Variants in KLHL38 observed in about 807,000 individuals in gnomAD.
KLHL38 encodes kelch-like protein 38.
KLHL38 carries 38 observed loss-of-function variants against 39.6 expected under a neutral mutation model. The observed-to-expected ratio is 0.96, with a 90% CI of 0.74 to 1.26. The LOEUF is 1.26. KLHL38 is among the 50% of genes most tolerant of loss of function. The probability of loss-of-function intolerance (pLI) is 0.00; values close to 1 mark genes in which losing one functional copy is unlikely to be tolerated. For synonymous variants in KLHL38, 322 were observed against 302.2 expected (o/e 1.07, Z -0.68); for missense variants, 803 against 748.1 (o/e 1.07, Z -0.86).
Position 123,652,641 on chromosome 8 carries a change from C to T in KLHL38, c.286G>A (p.Glu96Lys). ...DQIVSYVYTG[E>K]AHIATDNVLP... ...ACATTGTCAGTGGCAATATGTGCCT[C>T]CCCCGTATACACGTAGGAGACGATC... Residue 96 changes from glutamate to lysine, a missense_variant, in exon 2 of 4, where the codon GAG becomes AAG. Transcript: ENST00000684634. 2 of 1,614,032 alleles carry T rather than the reference C, an allele frequency of 1.2e-6. No homozygotes were observed. Among genetic ancestry groups the T allele is most frequent in the Non-Finnish European group, 1.7e-6 (2 of 1,179,914 alleles).
In KLHL38 at chr8:123,645,055, A is replaced by AGAGAGG. The variant is rs112968111; in HGVS notation, c.*683_*684insCCTCTC. 0.02 allele frequency among the ~76,000 whole-genome samples: 3,043 copies of AGAGAGG among 149,534 alleles called. 51 individuals are homozygous for AGAGAGG. The highest frequency in any genetic ancestry group is 0.03 in the Admixed American group (455 of 14,970). ...GAGACTGAGAGAGAGAGAGAGAGAG[A>AGAGAGG]GGGGCAGAGAGAGGCAGAGAGACAG... On this transcript the variant is annotated 3_prime_UTR_variant, in exon 4 of 4. Transcript: ENST00000684634.
chr8:123,647,296 G>T (rs1282912427), intron 2 of KLHL38, among the ~76,000 whole-genome samples: 2 of 152,126 alleles, frequency 1.3e-5, no homozygotes, highest in Admixed American at 6.5e-5. Context: ...TACTTACCTT[G>T]CTTGGAACAT....
chr8:123,652,036 C>T lies in KLHL38; in HGVS notation c.891G>A (p.Gln297=), dbSNP rs879728921. The change falls in exon 2 of 4, where the codon CAG becomes CAA. Residue 297 remains glutamine, a synonymous_variant. Coordinates refer to ENST00000684634, the MANE Select transcript of KLHL38 (RefSeq NM_001081675.3). ...ILLGGRKDSQ[Q]TTRDVLLYSK... is the part of the protein sequence containing the mutation. ...TGTACAGTAGGACGTCCCTGGTGGT[C>T]TGCTGGCTGTCCTTCCTTCCGCCCA... is the stretch of plus-strand genomic sequence containing the variant. 4 of 1,614,118 alleles carry T rather than the reference C, an allele frequency of 2.5e-6. No individual in the cohort carries two copies. Among genetic ancestry groups the T allele is most frequent in the Non-Finnish European group, 3.4e-6 (4 of 1,180,048 alleles).
intron 2 of KLHL38, among the ~76,000 whole-genome samples, chr8:123,650,282 A>T (rs1444006841): frequency 6.6e-6 from 1 of 152,130 alleles, no homozygotes; most frequent in Admixed American, 6.5e-5. Context: ...CATAAAGCAC[A>T]CTAACACAAA....
Position 123,651,730 on chromosome 8 carries a change from GC to G in KLHL38, c.1196del (p.Gly399AlafsTer30). Reference sequence around the variant, plus strand: ...AGATGCTGTCATACCTTTCCATGGAGCCCATGAGCTCCTGCCCTTCTCCAAT... The same window carrying G: ...AGATGCTGTCATACCTTTCCATGGAGCCATGAGCTCCTGCCCTTCTCCAAT... ...GGIGEGQELMGSMERYDSICN... is the reference protein window; with the variant it reads ...GGIGEGQELMXSMERYDSICN... On this transcript the variant is annotated frameshift_variant, in exon 2 of 4. Coordinates refer to ENST00000684634, the MANE Select transcript of KLHL38 (RefSeq NM_001081675.3). LOFTEE classifies it high-confidence loss of function. 3 of 1,614,188 alleles carry G rather than the reference GC, an allele frequency of 1.9e-6. No individual in the cohort carries two copies. The highest frequency in any genetic ancestry group is 2.5e-6 in the Non-Finnish European group (3 of 1,180,042).
rs374414250 is a variant in KLHL38, at chr8:123,645,449, A to AAGAGAGAGAGAG, written c.*278_*289dup. On this transcript the variant is annotated 3_prime_UTR_variant, in exon 4 of 4. Coordinates refer to ENST00000684634, the MANE Select transcript of KLHL38 (RefSeq NM_001081675.3). Reference sequence around the variant, plus strand: ...GAAACTCCATCTCAAAAAAAAGAAAAAGAGAGAGAGAGAGAGAGAGAGAGA... The same window carrying AAGAGAGAGAGAG: ...GAAACTCCATCTCAAAAAAAAGAAAAAGAGAGAGAGAGAGAGAGAGAGAGAGAGAGAGAGAGA... 4.4e-3 allele frequency: 1,438 copies of AAGAGAGAGAGAG among 325,122 alleles called. 6 individuals are homozygous for AAGAGAGAGAGAG. The highest frequency in any genetic ancestry group is 0.011 in the South Asian group (168 of 15,152). The allele number at this position is 325,122 out of a possible 1,614,324, so 20.1% of individuals were successfully genotyped here.
intron 2 of KLHL38, among the ~76,000 whole-genome samples, chr8:123,650,633 G>C (rs1812627232): frequency 6.6e-6 from 1 of 152,098 alleles, no homozygotes; most frequent in Non-Finnish European, 1.5e-5. Flanking sequence ...GAGATTACCA[G>C]GAACTTGCAT....
chr8:123,646,847 C>A (rs1388083227), intron 3 of KLHL38, 62 bp downstream of exon 3: 11 of 1,110,192 alleles, frequency 9.9e-6, no homozygotes, highest in Non-Finnish European at 1.5e-5. Context: ...CTATGAGTGA[C>A]CTTTTTTCCA....
At position 123,652,721 on chromosome 8, in the gene KLHL38, T is replaced by C; in HGVS notation, c.206A>G (p.Glu69Gly). ...FRAMFCSSFR[E>G]KSEAKVQLKG... is the part of the protein sequence containing the mutation. ...CAGCTGCACTTTGGCTTCACTCTTC[T>C]CCCGGAAGCTGCTGCAGAACATAGC... The change falls in exon 2 of 4, where the codon GAG (glutamate) becomes GGG (glycine). Residue 69 changes from glutamate to glycine, a missense_variant. By Grantham distance (98) the Glu-to-Gly change is moderately conservative. Transcript: ENST00000684634. 1 of 1,614,140 alleles carries C rather than the reference T, an allele frequency of 6.2e-7. No homozygotes were observed. Among genetic ancestry groups the C allele is most frequent in the Non-Finnish European group, 8.5e-7 (1 of 1,180,008 alleles).
rs184132240 is a variant in KLHL38 at position 123,651,551 on chromosome 8, C to T, written c.1350+26G>A. On this transcript the variant is annotated intron_variant, in intron 2 of 3. Coordinates refer to ENST00000684634, the MANE Select transcript of KLHL38 (RefSeq NM_001081675.3). ...CCAAGCACACATACTCATGCAGTTA[C>T]GTGATGGGAAGAACCGGCCATTTAC... 3.9e-4 allele frequency: 598 copies of T among 1,539,828 alleles called. 1 individual carries two copies. The African/African-American group carries it at 5.5e-3, about 14-fold the overall frequency.
chr8:123,653,256 C>T (rs1812691747), intron 1 of KLHL38, among the ~76,000 whole-genome samples: 1 of 152,146 alleles, frequency 6.6e-6, no homozygotes, highest in African/African-American at 2.4e-5. Flanking sequence ...TAGTCTGAAG[C>T]AAGATAACAG....
Position 123,645,591 on chromosome 8 carries a change from G to T in KLHL38, c.*148C>A. 2.8e-6 allele frequency: 2 copies of T among 721,814 alleles called. No individual in the cohort carries two copies. Among genetic ancestry groups the T allele is most frequent in the South Asian group, 3.7e-5 (2 of 54,496 alleles). 44.7% of individuals were successfully genotyped at this position (721,814 alleles called of 1,614,324 possible). A position where few individuals can be genotyped will look rare whatever the true frequency, so the allele number is the denominator to read the frequency against. On this transcript the variant is annotated 3_prime_UTR_variant, in exon 4 of 4. Transcript: ENST00000684634. ...GAAGGAGAGAGAGAGTTCTGGCAAT[G>T]CAATGCCTAGTTCCAGGCCTCCCGA...
intron 2 of KLHL38, among the ~76,000 whole-genome samples, chr8:123,648,175 GTAT>G (rs773515108): frequency 6.6e-5 from 10 of 152,202 alleles, no homozygotes; most frequent in Admixed American, 5.9e-4. Context: ...TATGAGGTAG[GTAT>G]TATTATTTCT....
In KLHL38 at chr8:123,648,539, A is replaced by G. The variant is rs1818698967; in HGVS notation, c.1351-1525T>C. Among the ~76,000 whole-genome samples the G allele has an allele frequency of 2.6e-5, 4 of 152,306 alleles. No individual in the cohort carries two copies. The South Asian group carries it at 8.3e-4, about 32-fold the overall frequency. ...TGGAAGAAAAGCAAACACTGGTTGC[A>G]TTTTACTTGAATGAATAATTGCCTC... On this transcript the variant is annotated intron_variant, in intron 2 of 3. Coordinates refer to ENST00000684634, the MANE Select transcript of KLHL38 (RefSeq NM_001081675.3).
In KLHL38 at chr8:123,651,991, C is replaced by A. The variant is rs768165532; in HGVS notation, c.936G>T (p.Trp312Cys). 5.0e-6 allele frequency: 8 copies of A among 1,614,230 alleles called. No individual in the cohort carries two copies. In the South Asian group the frequency reaches 7.7e-5, roughly 16 times the overall value. The change falls in exon 2 of 4, where the codon TGG (tryptophan) becomes TGT (cysteine). Residue 312 changes from tryptophan to cysteine, a missense_variant. Physicochemically the swap from Trp to Cys is radical, Grantham distance 215. Coordinates refer to ENST00000684634, the MANE Select transcript of KLHL38 (RefSeq NM_001081675.3). The stretch of plus-strand genomic sequence containing the variant: ...GTGTCGGGAGTTTGGCAAGGCTCTG[C>A]CATTGGCCGGTCTGTTTGCTGTACA... ...VLLYSKQTGQ[W>C]QSLAKLPTRL...
rs1295595303 is a variant in KLHL38 at position 123,652,019 on chromosome 8, A to G, written c.908T>C (p.Leu303Pro). ...TTGGCCGGTCTGTTTGCTGTACAGTAGGACGTCCCTGGTGGTCTGCTGGCT... is the reference window on the plus strand; with the variant it reads ...TTGGCCGGTCTGTTTGCTGTACAGTGGGACGTCCCTGGTGGTCTGCTGGCT... The part of the protein sequence containing the change: ...KDSQQTTRDV[L>P]LYSKQTGQWQ... Residue 303 changes from leucine (L) to proline (P), a missense_variant, in exon 2 of 4, where the codon CTA becomes CCA. By Grantham distance (98) the Leu-to-Pro change is moderately conservative. Coordinates refer to ENST00000684634, the MANE Select transcript of KLHL38 (RefSeq NM_001081675.3). The G allele has an allele frequency of 6.2e-7, 1 of 1,614,246 alleles. No homozygotes were observed. The highest frequency in any genetic ancestry group is 1.1e-5 in the South Asian group (1 of 91,090).
chr8:123,652,043 C>G lies in KLHL38; in HGVS notation c.884G>C (p.Ser295Thr). 2 of 1,614,254 alleles carry G rather than the reference C, an allele frequency of 1.2e-6. No individual in the cohort carries two copies. Among genetic ancestry groups the G allele is most frequent in the Non-Finnish European group, 1.7e-6 (2 of 1,180,034 alleles). The change falls in exon 2 of 4, where the codon AGC becomes ACC. Residue 295 changes from serine (S) to threonine (T), a missense_variant. By Grantham distance (58) the Ser-to-Thr change is moderately conservative (BLOSUM62 1). Transcript: ENST00000684634. ...FLILLGGRKD[S>T]QQTTRDVLLY... ...TAGGACGTCCCTGGTGGTCTGCTGG[C>G]TGTCCTTCCTTCCGCCCAAGAGGAT...
chr8:123,645,574 G>C lies in KLHL38; in HGVS notation c.*165C>G. ...ATAAGGAGAGAGGCAGAGAAGGAGA[G>C]AGAGAGTTCTGGCAATGCAATGCCT... On this transcript the variant is annotated 3_prime_UTR_variant, in exon 4 of 4. Transcript: ENST00000684634. 1 of 644,504 alleles carries C rather than the reference G, an allele frequency of 1.6e-6. No homozygotes were observed. 39.9% of individuals were successfully genotyped at this position (644,504 alleles called of 1,614,324 possible).
intron 2 of KLHL38, 139 bp from the exon 3 acceptor site, chr8:123,647,153 GT>G: frequency 1.6e-6 from 1 of 624,222 alleles, no homozygotes; most frequent in South Asian, 1.9e-5. Context: ...TGTAGCTATT[GT>G]TAATAAACAA....
Sources: gnomAD v4.1 joint callset for allele counts (sites outside exome capture counted in the v4.1 genomes callset) on GRCh38, gnomAD v4.1.1 for gene constraint, MANE v1.5 for transcripts, NCBI Gene and HGNC (gene_info 2026-07-23, HGNC 2026-07-21) for gene names.